Variants in FAAH2 observed in about 807,000 individuals in gnomAD.
The protein encoded by FAAH2 is fatty-acid amide hydrolase 2.
In FAAH2, 60 loss-of-function variants were observed where a neutral mutation model predicts 36.9. The observed-to-expected ratio is 1.63, with a 90% CI of 1.32 to 2.02. The LOEUF (loss-of-function observed/expected upper bound fraction) is 2.02, where lower values mean the gene tolerates loss of function less well. FAAH2 is among the 30% of genes most tolerant of loss of function. FAAH2 has a pLI of 0.00. For synonymous variants in FAAH2, 214 were observed against 143.8 expected (o/e 1.49, Z -3.49); for missense variants, 689 against 397.5 (o/e 1.73, Z -6.23).
chrX:57,216,598 G>GTATATATATACGTATATATATACGTA, the FAAH2 span, among the ~76,000 whole-genome samples: 1 of 4,687 alleles, frequency 2.1e-4, no homozygotes, highest in African/African-American at 4.1e-4. Context: ...GTATATATAT[G>GTATATATATACGTATATATATACGTA]TATATATATA....
At chrX:57,399,625 T>C (rs1276269190) in intron 7 of FAAH2, among the ~76,000 whole-genome samples, 1 of 111,669 alleles carries the variant, frequency 9.0e-6, no homozygotes, top group African/African-American at 3.3e-5. Flanking sequence ...TTTTCTTTCC[T>C]TTCTGATGAC....
At chrX:57,209,484 G>A in the FAAH2 span, among the ~76,000 whole-genome samples, 1 of 111,127 alleles carries the variant, frequency 9.0e-6, no homozygotes, top group Non-Finnish European at 1.9e-5. Flanking sequence ...CCAGGAGCTA[G>A]GGCCTGGAAA....
chrX:57,128,328 T>C, the FAAH2 span, among the ~76,000 whole-genome samples: 1 of 111,260 alleles, frequency 9.0e-6, no homozygotes, highest in African/African-American at 3.3e-5. Context: ...TTAGCAATCT[T>C]CCAAGAAGTT....
chrX:57,266,284 G>A, the FAAH2 span, among the ~76,000 whole-genome samples: 5 of 111,997 alleles, frequency 4.5e-5, no homozygotes, highest in Admixed American at 9.4e-5. Context: ...TTGTTTGGCA[G>A]CCTTAACTGG....
At chrX:57,185,534 G>T in the FAAH2 span, among the ~76,000 whole-genome samples, 1 of 107,694 alleles carries the variant, frequency 9.3e-6, no homozygotes, top group African/African-American at 3.5e-5. Context: ...GTTCGTGTGT[G>T]CGTGTATGTG....
the FAAH2 span, among the ~76,000 whole-genome samples, chrX:57,157,902 G>A: frequency 9.1e-6 from 1 of 109,703 alleles, no homozygotes; most frequent in Non-Finnish European, 1.9e-5. Context: ...ACAATGTGCA[G>A]GTTTGTTACA....
chrX:57,235,267 A>G, the FAAH2 span, among the ~76,000 whole-genome samples: 1 of 111,394 alleles, frequency 9.0e-6, no homozygotes, highest in East Asian at 2.8e-4. Flanking sequence ...GTGTTTGTTC[A>G]GTTGCTAGAG....
intron 7 of FAAH2, among the ~76,000 whole-genome samples, chrX:57,430,787 C>G (rs921180047): frequency 9.0e-6 from 1 of 111,609 alleles, no homozygotes; most frequent in African/African-American, 3.3e-5. Context: ...TGGTATCAAT[C>G]CATGTAATTT....
chrX:57,311,612 G>A (rs780965997), intron 3 of FAAH2, among the ~76,000 whole-genome samples: 4 of 111,796 alleles, frequency 3.6e-5, no homozygotes, highest in South Asian at 3.7e-4. Context: ...GGTGCAGGCC[G>A]GGATGACCTC....
chrX:57,436,955 T>A (rs1602658328), intron 8 of FAAH2, among the ~76,000 whole-genome samples: 2 of 111,056 alleles, frequency 1.8e-5, no homozygotes, highest in South Asian at 7.6e-4. Context: ...ATCAGTAGTC[T>A]GAAGAGCATA....
chrX:57,246,234 T>C, the FAAH2 span, among the ~76,000 whole-genome samples: 1 of 111,782 alleles, frequency 8.9e-6, no homozygotes, highest in Non-Finnish European at 1.9e-5. Flanking sequence ...CAGTAATTAA[T>C]AGCCTAACAA....
At chrX:57,428,451 G>A (rs1008068780) in intron 7 of FAAH2, among the ~76,000 whole-genome samples, 2 of 111,531 alleles carry the variant, frequency 1.8e-5, no homozygotes, top group Admixed American at 9.6e-5. Context: ...CTATGCAAAA[G>A]GAACTAAGTC....
At chrX:57,465,978 A>G (rs918189999) in intron 10 of FAAH2, among the ~76,000 whole-genome samples, 1 of 109,594 alleles carries the variant, frequency 9.1e-6, no homozygotes, top group Non-Finnish European at 1.9e-5. Context: ...AAATGGAATG[A>G]AGACTACTGG....
chrX:57,125,698 A>G, the FAAH2 span, among the ~76,000 whole-genome samples: 36 of 111,934 alleles, frequency 3.2e-4, 1 homozygote, highest in East Asian at 2.5e-3. Context: ...GTTCAGATTT[A>G]GTTAATTTGT....
intron 2 of FAAH2, among the ~76,000 whole-genome samples, chrX:57,308,335 G>A (rs1438296741): frequency 9.0e-6 from 1 of 111,475 alleles, no homozygotes; most frequent in African/African-American, 3.3e-5. Context: ...TGACTGGTGT[G>A]AGAGGATATC....
chrX:57,409,485 A>G (rs184403225), intron 7 of FAAH2, among the ~76,000 whole-genome samples: 5 of 111,221 alleles, frequency 4.5e-5, no homozygotes, highest in Non-Finnish European at 7.6e-5. Context: ...TCTTTAAATC[A>G]TTGGTAAAAT....
the FAAH2 span, among the ~76,000 whole-genome samples, chrX:57,253,424 A>G: frequency 9.0e-6 from 1 of 111,668 alleles, no homozygotes; most frequent in Non-Finnish European, 1.9e-5. Flanking sequence ...GAGAACACCA[A>G]AAAGATACTC....
the FAAH2 span, among the ~76,000 whole-genome samples, chrX:57,169,311 G>A: frequency 1.9e-5 from 2 of 102,762 alleles, no homozygotes; most frequent in Non-Finnish European, 4.0e-5. Context: ...TCATATTGCT[G>A]TCATCACGTG....
At chrX:57,275,257 G>A in the FAAH2 span, among the ~76,000 whole-genome samples, 3 of 112,335 alleles carry the variant, frequency 2.7e-5, no homozygotes, top group East Asian at 8.4e-4. Context: ...AATAAAAGAG[G>A]AGAGAAACAA....
Sources: allele counts gnomAD v4.1 joint callset (sites outside exome capture counted in the v4.1 genomes callset), GRCh38; gene constraint gnomAD v4.1.1; transcripts MANE v1.5; gene names NCBI Gene and HGNC (gene_info 2026-07-23, HGNC 2026-07-21).